KCNH6: variants seen among roughly 807,000 people sequenced by gnomAD.
The protein encoded by KCNH6 is potassium voltage-gated channel subfamily H member 6, also known as voltage-gated inwardly rectifying potassium channel KCNH6.
Under a neutral mutation model 83.4 loss-of-function variants are expected in KCNH6, and 81 were observed. The ratio of observed to expected loss-of-function variants is 0.97; its 90% CI spans 0.81 to 1.17. KCNH6 has a LOEUF of 1.17. KCNH6 is among the 50% of genes most tolerant of loss of function. The pLI is 0.00. For missense variants in KCNH6, 1,203 were observed against 1,290.5 expected (o/e 0.93, Z 1.04); for synonymous variants, 503 against 545.6 (o/e 0.92, Z 1.09).
Position 63,538,270 on chromosome 17 carries a change from C to T in KCNH6, c.1701+6C>T, listed in dbSNP as rs751785822. 5.0e-6 allele frequency: 8 copies of T among 1,611,662 alleles called. No homozygotes were observed. Among genetic ancestry groups the T allele is most frequent in the Non-Finnish European group, 6.8e-6 (8 of 1,179,462 alleles). ...ATGGCATTGACATGAACGCGGTGAG[C>T]CCCGCCGCTCCGGCTAATGCCCCGG... On this transcript the variant is annotated splice_donor_region_variant and intron_variant, in intron 7 of 12. Transcript: ENST00000314672. This position sits in a 1 kb window ranked among gnomAD's most constrained non-coding sequence, Gnocchi z 4.0.
At position 63,534,558 on chromosome 17, in the gene KCNH6, C is replaced by A. The variant is rs2032355302; in HGVS notation, c.1101+247C>A. Among the ~76,000 whole-genome samples, 1 of 152,008 alleles carries A rather than the reference C, an allele frequency of 6.6e-6. No individual in the cohort carries two copies. The highest frequency in any genetic ancestry group is 1.5e-5 in the Non-Finnish European group (1 of 67,974). On this transcript the variant is annotated intron_variant, in intron 5 of 12. Coordinates refer to ENST00000314672, the MANE Select transcript of KCNH6 (RefSeq NM_001278919.2). The surrounding 1 kb of genome is among the most constrained non-coding windows in gnomAD (Gnocchi z 5.0). The stretch of plus-strand genomic sequence containing the variant: ...TCTGAGCAGGCCCTGGTAAGAGGAG[C>A]AGGCTGCCCCTTCCAGGATGGGCAC...
At chr17:63,532,904 A>C (rs1356292131) in intron 4 of KCNH6, among the ~76,000 whole-genome samples, 1 of 152,154 alleles carries the variant, frequency 6.6e-6, no homozygotes, top group Non-Finnish European at 1.5e-5. Flanking sequence ...GAATAGATGG[A>C]TCTCACTAAC....
At chr17:63,532,410 G>A (rs1014629849) in intron 4 of KCNH6, among the ~76,000 whole-genome samples, 3 of 152,240 alleles carry the variant, frequency 2.0e-5, no homozygotes, top group South Asian at 2.1e-4. Flanking sequence ...GGCACACAGC[G>A]GGGAGAGGGC....
rs377208507 is a variant in KCNH6 at position 63,542,474 on chromosome 17, C to T, written c.2148+40C>T. On this transcript the variant is annotated intron_variant, in intron 9 of 12. Coordinates refer to ENST00000314672, the MANE Select transcript of KCNH6 (RefSeq NM_001278919.2). Reference sequence around the variant, plus strand: ...GGTGGGCCAGGGTGGGTGGAAATGCCCAGGCAGCCTGCCTGGCCTGAGGGC... The same window carrying T: ...GGTGGGCCAGGGTGGGTGGAAATGCTCAGGCAGCCTGCCTGGCCTGAGGGC... The T allele has an allele frequency of 1.9e-5, 30 of 1,583,644 alleles. No homozygotes were observed. In the African/African-American group the frequency reaches 3.6e-4, roughly 19 times the overall value.
In KCNH6 at chr17:63,545,571, C is replaced by G. The variant is rs1293371332; in HGVS notation, c.2584-38C>G. 1.9e-6 allele frequency: 3 copies of G among 1,586,022 alleles called. No individual in the cohort carries two copies. In the East Asian group the frequency reaches 6.7e-5, roughly 36 times the overall value. ...AAATCAGGGTGGATTAACCCGCAGC[C>G]TGGCCTGGGGTGCATCCCTCTTTCT... On this transcript the variant is annotated intron_variant, in intron 12 of 12. Transcript: ENST00000314672.
chr17:63,537,920 G>C (rs1568080393), intron 6 of KCNH6, 145 bp from the exon 7 acceptor site: 1 of 745,178 alleles, frequency 1.3e-6, no homozygotes, highest in African/African-American at 1.8e-5. Context: ...CATGTGCCCT[G>C]GCGCTGTCCT....
intron 6 of KCNH6, among the ~76,000 whole-genome samples, chr17:63,537,338 A>G (rs2032563298): frequency 6.6e-6 from 1 of 152,208 alleles, no homozygotes. Context: ...TTGAGTTGTG[A>G]TGTTCAGAGT....
At chr17:63,526,848 A>G (rs1430401762) in intron 2 of KCNH6, among the ~76,000 whole-genome samples, 2 of 152,190 alleles carry the variant, frequency 1.3e-5, no homozygotes, top group Admixed American at 6.5e-5. Flanking sequence ...TTGGGCTCAA[A>G]GAGGCCAGGG....
chr17:63,524,311 G>A lies in KCNH6; in HGVS notation c.249G>A (p.Ala83=), dbSNP rs141876437. 1.3e-4 allele frequency: 213 copies of A among 1,613,898 alleles called. No individual in the cohort carries two copies. In the African/African-American group the frequency reaches 2.2e-3, roughly 17 times the overall value. Residue 83 remains alanine (A), a synonymous_variant, in exon 2 of 13, where the codon GCG becomes GCA. Coordinates refer to ENST00000314672, the MANE Select transcript of KCNH6 (RefSeq NM_001278919.2). ...CAAGCAGCGCCGTGTCCCGCCTAGC[G>A]CAGGCCCTGCTGGGGGCTGAGGAGT... The part of the protein sequence containing the change: ...NTPSSAVSRL[A]QALLGAEECK...
At chr17:63,544,055 C>T (rs749908421) in intron 10 of KCNH6, 194 bp from the exon 11 acceptor site, 28 of 1,603,878 alleles carry the variant, frequency 1.7e-5, no homozygotes, top group Non-Finnish European at 2.3e-5. Flanking sequence ...CTAAGGGCTA[C>T]AGCCTCCTGG....
intron 6 of KCNH6, among the ~76,000 whole-genome samples, chr17:63,537,175 G>A (rs949035810): frequency 3.3e-5 from 5 of 152,046 alleles, no homozygotes; most frequent in African/African-American, 1.2e-4. Flanking sequence ...AAGTGCCAGA[G>A]GGCACACAGC....
rs772856955 is a variant in KCNH6, at chr17:63,544,307, G to C, written c.2292G>C (p.Gln764His). ...DASGLWPELL[Q>H]EMPPRHSPQS... ...CTGGCCTCTGGCCTGAGCTACTGCA[G>C]GAAATGCCCCCAAGGCACAGCCCCC... Residue 764 changes from glutamine to histidine, a missense_variant, in exon 11 of 13, where the codon CAG becomes CAC. Gln to His is a conservative substitution (Grantham distance 24). Coordinates refer to ENST00000314672, the MANE Select transcript of KCNH6 (RefSeq NM_001278919.2). The C allele has an allele frequency of 6.2e-7, 1 of 1,611,412 alleles. No homozygotes were observed. The highest frequency in any genetic ancestry group is 8.5e-7 in the Non-Finnish European group (1 of 1,178,868).
At chr17:63,528,707 G>A (rs1222019160) in intron 2 of KCNH6, among the ~76,000 whole-genome samples, 1 of 152,214 alleles carries the variant, frequency 6.6e-6, no homozygotes, top group African/African-American at 2.4e-5. Flanking sequence ...TGAGGCCCCT[G>A]CCCCCTGAGG....
chr17:63,530,966 G>T (rs2032069868), intron 4 of KCNH6, among the ~76,000 whole-genome samples: 1 of 152,184 alleles, frequency 6.6e-6, no homozygotes, highest in Admixed American at 6.5e-5. Context: ...CCCTGTGCCA[G>T]CCCTTTGCCT....
In KCNH6 at chr17:63,538,282, G is replaced by A; in HGVS notation, c.1701+18G>A. 1.3e-6 allele frequency: 2 copies of A among 1,593,992 alleles called. No homozygotes were observed. The highest frequency in any genetic ancestry group is 2.2e-5 in the East Asian group (1 of 44,604). On this transcript the variant is annotated intron_variant, in intron 7 of 12. Transcript: ENST00000314672. The surrounding 1 kb of genome is among the most constrained non-coding windows in gnomAD (Gnocchi z 4.0). The stretch of plus-strand genomic sequence containing the variant: ...TGAACGCGGTGAGCCCCGCCGCTCC[G>A]GCTAATGCCCCGGGCGTGGGGGGGA...
chr17:63,548,679 C>G (rs569858495), downstream of KCNH6: 1 of 152,114 alleles, frequency 6.6e-6, no homozygotes, highest in South Asian at 2.1e-4. Context: ...TTCCTCCCCC[C>G]GTTAGTTCCT....
chr17:63,545,983 G>A lies in KCNH6; in HGVS notation c.*81G>A, dbSNP rs1465550327. On this transcript the variant is annotated 3_prime_UTR_variant, in exon 13 of 13. Transcript: ENST00000314672. Reference sequence around the variant, plus strand: ...GATCTTGGGGAGGTGGCCGGGTGCAGTGGCTCGCCTGTAATCCCAGCACTT... The same window carrying A: ...GATCTTGGGGAGGTGGCCGGGTGCAATGGCTCGCCTGTAATCCCAGCACTT... 5.9e-6 allele frequency: 8 copies of A among 1,366,328 alleles called. No individual in the cohort carries two copies. Among genetic ancestry groups the A allele is most frequent in the Non-Finnish European group, 8.1e-6 (8 of 986,044 alleles). 84.6% of individuals were successfully genotyped at this position (1,366,328 alleles called of 1,614,324 possible).
Position 63,536,004 on chromosome 17 carries a change from C to T in KCNH6, c.1437C>T (p.Phe479=), listed in dbSNP as rs201618889. 1,223 of 1,613,902 alleles carry T rather than the reference C, an allele frequency of 7.6e-4. 15 individuals carry two copies. In the South Asian group the frequency reaches 0.013, roughly 17 times the overall value. Residue 479 remains phenylalanine (F), a synonymous_variant, in exon 6 of 13, where the codon TTC becomes TTT. Coordinates refer to ENST00000314672, the MANE Select transcript of KCNH6 (RefSeq NM_001278919.2). ...TCAGCAGCCTCACCAGCGTGGGCTT[C>T]GGCAATGTCTCGCCCAACACCAACT... is the stretch of plus-strand genomic sequence containing the variant. ...FTFSSLTSVG[F]GNVSPNTNSE...
chr17:63,548,244 C>T (rs963440165), downstream of KCNH6, among the ~76,000 whole-genome samples: 44 of 151,722 alleles, frequency 2.9e-4, no homozygotes, highest in Non-Finnish European at 5.6e-4. Flanking sequence ...CCAGCGTGGG[C>T]AACAGAGCAA....
Sources: allele counts gnomAD v4.1 joint callset (sites outside exome capture counted in the v4.1 genomes callset), GRCh38; gene constraint gnomAD v4.1.1; non-coding constraint Gnocchi (gnomAD v3.1); transcripts MANE v1.5; gene names NCBI Gene and HGNC (gene_info 2026-07-23, HGNC 2026-07-21).